HNRNPU: variants seen among roughly 807,000 people sequenced by gnomAD.
The protein encoded by HNRNPU is HNRNPU antisense RNA 1.
In HNRNPU, 5 loss-of-function variants were observed where a neutral mutation model predicts 94.7. The observed-to-expected ratio is 0.05, with a 90% CI of 0.03 to 0.11. The LOEUF is 0.11. HNRNPU is among the 10% of genes least tolerant of loss of function. The pLI is 1.00. For missense variants in HNRNPU, 710 were observed against 1,049.2 expected, an observed-to-expected ratio of 0.68 and a Z score of 4.47; for synonymous variants, 434 against 381.6, an observed-to-expected ratio of 1.14 and a Z score of -1.60.
chr1:244,859,074 A>G (rs905998710), intron 5 of HNRNPU: 1 of 581,912 alleles, frequency 1.7e-6, no homozygotes, highest in Non-Finnish European at 3.0e-6. Flanking sequence ...TTTTATTTCA[A>G]CCATTGGTCA....
rs560158144 is a variant in HNRNPU at position 244,850,641 on chromosome 1, A to C, written c.*3809T>G. 4 of 152,286 alleles carry C rather than the reference A, an allele frequency of 2.6e-5. No individual in the cohort carries two copies. The East Asian group carries it at 7.7e-4, about 29-fold the overall frequency. 9.4% of individuals were successfully genotyped at this position (152,286 alleles called of 1,614,324 possible). A position where few individuals can be genotyped will look rare whatever the true frequency, so the allele number is the denominator to read the frequency against. On this transcript the variant is annotated 3_prime_UTR_variant, in exon 14 of 14. Coordinates refer to ENST00000640218, the MANE Select transcript of HNRNPU (RefSeq NM_031844.3). ...TTAACCAATTCTTGCTCAAAGCACT[A>C]ATGTTCAGTCCCTCACCATTTATGC...
chr1:244,860,099 C>A, intron 4 of HNRNPU: 1 of 389,912 alleles, frequency 2.6e-6, no homozygotes, highest in Non-Finnish European at 4.5e-6. Context: ...CAAGAGTTGG[C>A]GACCAGCCTG....
Position 244,854,490 on chromosome 1 carries a change from T to G in HNRNPU, c.2438A>C (p.Gln813Pro). Residue 813 changes from glutamine (Q) to proline (P), a missense_variant, in exon 14 of 14, where the codon CAG becomes CCG. Physicochemically the swap from Gln to Pro is moderately conservative, Grantham distance 76. Around this residue, in one of 8 missense-constraint regions of HNRNPU, gnomAD observed 152 missense variants for 238.9 expected, o/e 0.64. Coordinates refer to ENST00000640218, the MANE Select transcript of HNRNPU (RefSeq NM_031844.3). ...GTGATAATGCTGACTCCATGGCTTC[T>G]GACCCCAGAATTGCTGTAAGAGAAA... ...NQWQQGQFWG[Q>P]KPWSQHYHQG... 1 of 1,608,122 alleles carries G rather than the reference T, an allele frequency of 6.2e-7. No homozygotes were observed. Among genetic ancestry groups the G allele is most frequent in the Non-Finnish European group, 8.5e-7 (1 of 1,174,970 alleles).
intron 1 of HNRNPU, among the ~76,000 whole-genome samples, 197 bp downstream of exon 1, chr1:244,863,420 A>ACACACGCG (rs555181156): frequency 2.9e-5 from 4 of 138,794 alleles, no homozygotes; most frequent in South Asian, 2.3e-4. Flanking sequence ...ACACACACAC[A>ACACACGCG]CGCGCGCGCG....
rs1680730373 is a variant in HNRNPU at position 244,858,189 on chromosome 1, A to G, written c.1316T>C (p.Leu439Pro). ...ATGCGGGAACAGTGGCCGTCCAGCAAGAACTTCCTTACTGATTTTGAAGGC... is the reference window on the plus strand; with the variant it reads ...ATGCGGGAACAGTGGCCGTCCAGCAGGAACTTCCTTACTGATTTTGAAGGC... ...GVAFKISKEV[L>P]AGRPLFPHVL... The change falls in exon 7 of 14, where the codon CTT becomes CCT. Residue 439 changes from leucine to proline, a missense_variant. By Grantham distance (98) the Leu-to-Pro change is moderately conservative. Transcript: ENST00000640218. 6.2e-7 allele frequency: 1 copy of G among 1,614,078 alleles called. No individual in the cohort carries two copies. Among genetic ancestry groups the G allele is most frequent in the African/African-American group, 1.3e-5 (1 of 74,930 alleles).
intron 4 of HNRNPU, 164 bp from the exon 5 acceptor site, chr1:244,859,538 GCT>G (rs1680771970): frequency 4.6e-6 from 2 of 438,150 alleles, no homozygotes; most frequent in African/African-American, 2.0e-5. Context: ...AAACTGATGT[GCT>G]TATAACTTGA....
intron 7 of HNRNPU, 40 bp downstream of exon 7, chr1:244,857,969 CAA>C (rs1680724204): frequency 6.5e-7 from 1 of 1,547,374 alleles, no homozygotes; most frequent in Admixed American, 2.1e-5. Context: ...GCCAGGCAAG[CAA>C]TATTCAAATG....
chr1:244,859,146 A>C, intron 5 of HNRNPU, 129 bp downstream of exon 5: 1 of 605,216 alleles, frequency 1.7e-6, no homozygotes, highest in Non-Finnish European at 2.9e-6. Context: ...TGCTAATATT[A>C]CCTGTCTGAA....
At chr1:244,858,582 A>G (rs1249610900) in intron 6 of HNRNPU, 147 bp downstream of exon 6, 7 of 628,316 alleles carry the variant, frequency 1.1e-5, no homozygotes, top group Non-Finnish European at 2.0e-5. Context: ...TCCCAATTCA[A>G]CTGCTGAATG....
At position 244,860,456 on chromosome 1, in the gene HNRNPU, A is replaced by C. The variant is rs537378297; in HGVS notation, c.896T>G (p.Phe299Cys). 1 of 1,597,386 alleles carries C rather than the reference A, an allele frequency of 6.3e-7. No individual in the cohort carries two copies. Among genetic ancestry groups the C allele is most frequent in the East Asian group, 2.2e-5 (1 of 44,820 alleles). Reference protein sequence around the residue: ...CLDTYNCDLHFKISRDRLSAS... With the variant: ...CLDTYNCDLHCKISRDRLSAS... ...ACTGAGACGATCTCTTGATATTTTA[A>C]AATGTAGATCACAATTATCTGTAAT... The change falls in exon 4 of 14, where the codon TTT (phenylalanine) becomes TGT (cysteine). Residue 299 changes from phenylalanine (F) to cysteine (C), a missense_variant. This residue lies in a region of HNRNPU where 31 missense variants were observed against 86.8 expected (regional missense o/e 0.36). Transcript: ENST00000640218.
At chr1:244,856,230 TC>T (rs1680679071) in intron 10 of HNRNPU, 72 bp from the exon 11 acceptor site, 2 of 1,442,044 alleles carry the variant, frequency 1.4e-6, no homozygotes, top group Non-Finnish European at 1.9e-6. Context: ...AGCTGACAAT[TC>T]TTGAGGTTTA....
chr1:244,851,120 A>G lies in HNRNPU; in HGVS notation c.*3330T>C, dbSNP rs1373678051. On this transcript the variant is annotated 3_prime_UTR_variant, in exon 14 of 14. Transcript: ENST00000640218. ...CACCACACCCAGCCAAGTTCCATCC[A>G]CTTTTGAAAACAAGACATTTATGTA... is the stretch of plus-strand genomic sequence containing the variant. The G allele has an allele frequency of 6.6e-6, 1 of 152,192 alleles. No homozygotes were observed. The highest frequency in any genetic ancestry group is 2.4e-5 in the African/African-American group (1 of 41,450). 9.4% of individuals were successfully genotyped at this position (152,192 alleles called of 1,614,324 possible). A position where few individuals can be genotyped will look rare whatever the true frequency, so the allele number is the denominator to read the frequency against.
intron 3 of HNRNPU, chr1:244,861,528 G>A (rs940397843): frequency 6.6e-6 from 1 of 152,090 alleles, no homozygotes; most frequent in Non-Finnish European, 1.5e-5. Context: ...GGATATTCCA[G>A]TAAGAAAGAG....
chr1:244,851,894 T>C lies in HNRNPU; in HGVS notation c.*2556A>G, dbSNP rs1680558970. On this transcript the variant is annotated 3_prime_UTR_variant, in exon 14 of 14. Transcript: ENST00000640218. Reference sequence around the variant, plus strand: ...TAGCAGTTTTAGTTTTCTCAAATTCTATGCTGTTTTTGTACTACTGCAGCT... The same window carrying C: ...TAGCAGTTTTAGTTTTCTCAAATTCCATGCTGTTTTTGTACTACTGCAGCT... 1 of 152,226 alleles carries C rather than the reference T, an allele frequency of 6.6e-6. No individual in the cohort carries two copies. Among genetic ancestry groups the C allele is most frequent in the African/African-American group, 2.4e-5 (1 of 41,444 alleles). The allele number at this position is 152,226 out of a possible 1,614,324, so 9.4% of individuals were successfully genotyped here.
At chr1:244,859,498 T>C (rs562935297) in intron 4 of HNRNPU, 124 bp from the exon 5 acceptor site, 15 of 534,396 alleles carry the variant, frequency 2.8e-5, no homozygotes, top group African/African-American at 2.1e-4. Context: ...AGGCACACTC[T>C]AGCCCACCCC....
At position 244,863,382 on chromosome 1, in the gene HNRNPU, C is replaced by T. The variant is rs12077415; in HGVS notation, c.691+235G>A. The stretch of plus-strand genomic sequence containing the variant: ...CGGCTCTCGAGCCACATAATGGAGG[C>T]GCTGCCACCGCCGACACACACACAC... On this transcript the variant is annotated intron_variant, in intron 1 of 13. Coordinates refer to ENST00000640218, the MANE Select transcript of HNRNPU (RefSeq NM_031844.3). Among the ~76,000 whole-genome samples, 320 of 148,742 alleles carry T rather than the reference C, an allele frequency of 2.2e-3. 1 individual carries two copies. Among genetic ancestry groups the T allele is most frequent in the African/African-American group, 7.6e-3 (304 of 40,184 alleles).
At chr1:244,854,665 ATAAT>A in intron 13 of HNRNPU, 162 bp from the exon 14 acceptor site, 1 of 611,282 alleles carries the variant, frequency 1.6e-6, no homozygotes, top group East Asian at 2.7e-5. Flanking sequence ...TTAATATCCC[ATAAT>A]TATCAATACA....
intron 5 of HNRNPU, 94 bp downstream of exon 5, chr1:244,859,181 G>A (rs1287481160): frequency 4.4e-6 from 3 of 685,660 alleles, no homozygotes; most frequent in African/African-American, 3.6e-5. Context: ...GATAAAAACA[G>A]ACAAAAGGCT....
At chr1:244,862,264 G>A (rs577016249) in intron 3 of HNRNPU, 197 bp downstream of exon 3, 39 of 528,648 alleles carry the variant, frequency 7.4e-5, no homozygotes, top group South Asian at 4.2e-4. Flanking sequence ...CCTAGAGCCT[G>A]TAAAATAATC....
Sources: allele counts gnomAD v4.1 joint callset (sites outside exome capture counted in the v4.1 genomes callset), GRCh38; gene constraint gnomAD v4.1.1; regional missense constraint gnomAD v4.1.1; transcripts MANE v1.5; gene names NCBI Gene and HGNC (gene_info 2026-07-23, HGNC 2026-07-21).